The following PLCB1 variants were observed in gnomAD, a reference collection of about 807,000 sequenced individuals.
PLCB1 encodes 1-phosphatidylinositol 4,5-bisphosphate phosphodiesterase beta-1.
PLCB1 carries 46 observed loss-of-function variants against 161.8 expected under a neutral mutation model. The ratio of observed to expected loss-of-function variants is 0.28; its 90% CI spans 0.22 to 0.36. The LOEUF is 0.36. Among genes scored for constraint, PLCB1 ranks in the 10% least tolerant of loss-of-function variants. The pLI is 1.00. For missense variants in PLCB1, 1,016 were observed against 1,472.5 expected, an observed-to-expected ratio of 0.69 and a Z score of 5.07; for synonymous variants, 517 against 503.7, an observed-to-expected ratio of 1.03 and a Z score of -0.35.
intron 31 of PLCB1, among the ~76,000 whole-genome samples, chr20:8,869,427 A>C (rs904052278): frequency 6.6e-6 from 1 of 152,186 alleles, no homozygotes; most frequent in Admixed American, 6.5e-5. Context: ...AGGAACTCAC[A>C]TATTAGCTGG....
chr20:8,705,970 C>T (rs1978648336), intron 11 of PLCB1, among the ~76,000 whole-genome samples: 1 of 152,162 alleles, frequency 6.6e-6, no homozygotes, highest in Non-Finnish European at 1.5e-5. Context: ...AATACAGCGG[C>T]AAGTACTAGA....
intron 31 of PLCB1, among the ~76,000 whole-genome samples, chr20:8,831,624 G>T (rs6086619): frequency 6.6e-6 from 1 of 151,598 alleles, no homozygotes; most frequent in Non-Finnish European, 1.5e-5. Context: ...AAAAGTTTTC[G>T]TTGTTACTTA....
intron 2 of PLCB1, among the ~76,000 whole-genome samples, chr20:8,220,749 G>A (rs146351866): frequency 6.6e-6 from 1 of 152,188 alleles, no homozygotes; most frequent in Non-Finnish European, 1.5e-5. Flanking sequence ...AATGTCTGTT[G>A]TTCAAAGTCA....
intron 3 of PLCB1, among the ~76,000 whole-genome samples, chr20:8,386,790 G>T (rs1036097757): frequency 6.6e-6 from 1 of 152,208 alleles, no homozygotes; most frequent in African/African-American, 2.4e-5. Context: ...CTTCATCAAT[G>T]ATCTCAGCTA....
chr20:8,236,963 A>G (rs1053273605), intron 2 of PLCB1, among the ~76,000 whole-genome samples: 2 of 152,074 alleles, frequency 1.3e-5, no homozygotes, highest in African/African-American at 4.8e-5. Context: ...TTCAAAACTA[A>G]AAGTTCCAGT....
rs562855012 is a variant in PLCB1, at chr20:8,162,191, A to G, written c.177+11820A>G. Reference sequence around the variant, plus strand: ...GCTGTTTGTTTTATCGTTACCAAACATGTCCTCAGAATTCAAGTCCTGTTT... The same window carrying G: ...GCTGTTTGTTTTATCGTTACCAAACGTGTCCTCAGAATTCAAGTCCTGTTT... On this transcript the variant is annotated intron_variant, in intron 2 of 31. Transcript: ENST00000338037. Among the ~76,000 whole-genome samples the G allele has an allele frequency of 4.6e-5, 7 of 152,266 alleles. No homozygotes were observed. In the South Asian group the frequency reaches 1.2e-3, roughly 27 times the overall value.
chr20:8,435,187 A>G (rs1433227096), intron 3 of PLCB1, among the ~76,000 whole-genome samples: 3 of 152,124 alleles, frequency 2.0e-5, no homozygotes, highest in Non-Finnish European at 4.4e-5. Flanking sequence ...GTGTAGATAC[A>G]CTATAAGCAT....
intron 3 of PLCB1, among the ~76,000 whole-genome samples, chr20:8,523,492 C>CAATATATATATATATATATATATA (rs1555766816): frequency 1.6e-5 from 1 of 61,846 alleles, no homozygotes; most frequent in Non-Finnish European, 3.3e-5. Context: ...CTCTCTCTCT[C>CAATATATATATATATATATATATA]TCTCTATATA....
At chr20:8,749,720 T>G (rs1012093226) in intron 23 of PLCB1, among the ~76,000 whole-genome samples, 2 of 152,204 alleles carry the variant, frequency 1.3e-5, no homozygotes, top group African/African-American at 2.4e-5. Flanking sequence ...TCTTTTACCC[T>G]TTGATAGCCT....
chr20:8,693,934 G>A (rs1001690883), intron 10 of PLCB1, among the ~76,000 whole-genome samples: 1 of 152,214 alleles, frequency 6.6e-6, no homozygotes, highest in Non-Finnish European at 1.5e-5. Context: ...GACTTGGAAT[G>A]TATTCCAGAG....
chr20:8,385,371 C>T (rs1213882900), intron 3 of PLCB1, among the ~76,000 whole-genome samples: 1 of 152,172 alleles, frequency 6.6e-6, no homozygotes, highest in Non-Finnish European at 1.5e-5. Context: ...GCCCAGCCTT[C>T]CTGGCCCCAG....
intron 3 of PLCB1, among the ~76,000 whole-genome samples, chr20:8,433,724 A>ATCCTCCTCC (rs985845588): frequency 6.8e-6 from 1 of 146,778 alleles, no homozygotes; most frequent in Non-Finnish European, 1.5e-5. Context: ...CCTCCTCCTC[A>ATCCTCCTCC]TCCTCCTCCT....
intron 2 of PLCB1, among the ~76,000 whole-genome samples, chr20:8,240,294 A>ACACACACACACACACG (rs1200176725): frequency 1.3e-5 from 2 of 151,302 alleles, no homozygotes; most frequent in African/African-American, 4.9e-5. Context: ...ACACACACAC[A>ACACACACACACACACG]CACACACACA....
intron 2 of PLCB1, among the ~76,000 whole-genome samples, chr20:8,172,049 A>G (rs1268441573): frequency 1.3e-5 from 2 of 152,148 alleles, no homozygotes; most frequent in Non-Finnish European, 2.9e-5. Context: ...AACCACTGTA[A>G]TCCCAGTAAG....
At chr20:8,318,065 G>C (rs1428881775) in intron 2 of PLCB1, among the ~76,000 whole-genome samples, 4 of 149,610 alleles carry the variant, frequency 2.7e-5, no homozygotes, top group African/African-American at 9.9e-5. Context: ...CACTGAACTT[G>C]GAATTCATAA....
At chr20:8,687,548 A>G (rs922433075) in intron 10 of PLCB1, among the ~76,000 whole-genome samples, 2 of 152,110 alleles carry the variant, frequency 1.3e-5, no homozygotes, top group Non-Finnish European at 2.9e-5. Flanking sequence ...TTGCGTCCTC[A>G]TAGCTTAGCT....
At chr20:8,388,515 G>A (rs1987496578) in intron 3 of PLCB1, among the ~76,000 whole-genome samples, 1 of 152,180 alleles carries the variant, frequency 6.6e-6, no homozygotes, top group African/African-American at 2.4e-5. Flanking sequence ...TAGGAAAGAA[G>A]AAGAAAACTC....
chr20:8,529,683 A>G (rs900731676), intron 3 of PLCB1, among the ~76,000 whole-genome samples: 1 of 152,084 alleles, frequency 6.6e-6, no homozygotes, highest in Non-Finnish European at 1.5e-5. Flanking sequence ...GAAGGAGGAA[A>G]TAAGCTAGTC....
At chr20:8,539,875 G>A (rs1209444084) in intron 3 of PLCB1, among the ~76,000 whole-genome samples, 1 of 151,798 alleles carries the variant, frequency 6.6e-6, no homozygotes, top group Non-Finnish European at 1.5e-5. Flanking sequence ...ATAAACAGAA[G>A]TGAGAACATA....
Sources: gnomAD v4.1 joint callset for allele counts (sites outside exome capture counted in the v4.1 genomes callset) on GRCh38, gnomAD v4.1.1 for gene constraint, MANE v1.5 for transcripts, NCBI Gene and HGNC (gene_info 2026-07-23, HGNC 2026-07-21) for gene names.